The following DOCK3 variants were observed in gnomAD, a reference collection of about 807,000 sequenced individuals.
DOCK3 encodes the protein dedicator of cytokinesis 3.
DOCK3 carries 60 observed loss-of-function variants against 265.6 expected under a neutral mutation model. That is an observed-to-expected ratio of 0.23 (90% CI 0.18 to 0.28). The LOEUF (loss-of-function observed/expected upper bound fraction) is 0.28. Ranked by LOEUF, DOCK3 falls within the 10% of genes least tolerant of loss-of-function variation. DOCK3 has a pLI of 1.00. For missense variants in DOCK3, 1,981 were observed against 2,594.3 expected, an observed-to-expected ratio of 0.76 and a Z score of 5.14; for synonymous variants, 881 against 938.0, an observed-to-expected ratio of 0.94 and a Z score of 1.11.
At chr3:50,881,008 C>G (rs1249939721) in intron 3 of DOCK3, among the ~76,000 whole-genome samples, 3 of 152,284 alleles carry the variant, frequency 2.0e-5, no homozygotes, top group Non-Finnish European at 2.9e-5. Flanking sequence ...ATCACATAAA[C>G]AGAACCAAAG....
At chr3:50,838,101 C>T (rs2045616366) in intron 2 of DOCK3, among the ~76,000 whole-genome samples, 1 of 152,132 alleles carries the variant, frequency 6.6e-6, no homozygotes, top group Non-Finnish European at 1.5e-5. Context: ...CATTTCCATT[C>T]ATTTGGGTAA....
intron 51 of DOCK3, among the ~76,000 whole-genome samples, chr3:51,377,322 G>A (rs1004877739): frequency 2.6e-5 from 4 of 152,252 alleles, no homozygotes; most frequent in South Asian, 2.1e-4. Context: ...AGGCCAGAGC[G>A]TAGCTCCCTA....
intron 4 of DOCK3, among the ~76,000 whole-genome samples, chr3:50,906,927 A>G (rs2049546288): frequency 6.6e-6 from 1 of 152,018 alleles, no homozygotes; most frequent in Admixed American, 6.6e-5. Context: ...ACTGCTTTGA[A>G]TGTGTCCCAG....
intron 5 of DOCK3, among the ~76,000 whole-genome samples, chr3:51,005,934 A>G (rs1042508007): frequency 1.3e-5 from 2 of 152,174 alleles, no homozygotes; most frequent in Non-Finnish European, 2.9e-5. Context: ...AATGGTCTCT[A>G]GGGCCCCAGT....
At chr3:51,248,271 C>A (rs954357401) in intron 22 of DOCK3, among the ~76,000 whole-genome samples, 18 of 152,244 alleles carry the variant, frequency 1.2e-4, no homozygotes, top group African/African-American at 4.3e-4. Context: ...CAGAGTGAGA[C>A]TCCATCTTAA....
At chr3:51,158,606 A>G (rs2085976427) in intron 10 of DOCK3, among the ~76,000 whole-genome samples, 1 of 152,194 alleles carries the variant, frequency 6.6e-6, no homozygotes, top group East Asian at 1.9e-4. Flanking sequence ...TGGTTTGGAA[A>G]TTTTCTGATT....
chr3:51,074,083 T>A (rs1445640311), intron 6 of DOCK3, among the ~76,000 whole-genome samples: 1 of 152,356 alleles, frequency 6.6e-6, no homozygotes, highest in Non-Finnish European at 1.5e-5. Context: ...CATAGTCTAA[T>A]TGAAGAGAAA....
rs9990213 is a variant in DOCK3 at position 51,350,216 on chromosome 3, G to T, written c.4003-72G>T. 4.4e-6 allele frequency: 6 copies of T among 1,365,832 alleles called. No individual in the cohort carries two copies. In the African/African-American group the frequency reaches 7.4e-5, roughly 17 times the overall value. 84.6% of individuals were successfully genotyped at this position (1,365,832 alleles called of 1,614,324 possible). Reference sequence around the variant, plus strand: ...ATCCCTTTCCAGAAGACAGTGTCCAGTTGGGCCTGGGAGAACTTCCTTTGG... The same window carrying T: ...ATCCCTTTCCAGAAGACAGTGTCCATTTGGGCCTGGGAGAACTTCCTTTGG... On this transcript the variant is annotated intron_variant, in intron 39 of 52. Coordinates refer to ENST00000266037, the MANE Select transcript of DOCK3 (RefSeq NM_004947.5).
intron 4 of DOCK3, among the ~76,000 whole-genome samples, chr3:50,916,408 G>A (rs1428604832): frequency 1.3e-5 from 2 of 152,032 alleles, no homozygotes; most frequent in African/African-American, 4.8e-5. Flanking sequence ...GCCCAGTTGG[G>A]AGATGGGCCC....
intron 5 of DOCK3, among the ~76,000 whole-genome samples, chr3:50,967,697 G>A (rs2077072262): frequency 6.6e-6 from 1 of 152,174 alleles, no homozygotes; most frequent in South Asian, 2.1e-4. Flanking sequence ...AGAAGAATGA[G>A]TGCCCTGTGA....
chr3:51,271,313 A>T (rs1251452930), intron 24 of DOCK3, among the ~76,000 whole-genome samples: 1 of 152,146 alleles, frequency 6.6e-6, no homozygotes, highest in Non-Finnish European at 1.5e-5. Flanking sequence ...TAAACAGCAA[A>T]CTTTCTCATA....
chr3:50,940,748 A>G (rs759399806), intron 5 of DOCK3, among the ~76,000 whole-genome samples: 6 of 152,188 alleles, frequency 3.9e-5, no homozygotes, highest in Admixed American at 1.3e-4. Context: ...AAAGGGACCA[A>G]GATAGAGCCT....
At chr3:50,813,978 T>C (rs751988397) in intron 2 of DOCK3, among the ~76,000 whole-genome samples, 9 of 152,136 alleles carry the variant, frequency 5.9e-5, no homozygotes, top group Non-Finnish European at 1.0e-4. Flanking sequence ...GTGCAATGTA[T>C]CTGGGTAGGG....
At chr3:51,072,987 C>T (rs896457985) in intron 6 of DOCK3, among the ~76,000 whole-genome samples, 1 of 151,828 alleles carries the variant, frequency 6.6e-6, no homozygotes, top group African/African-American at 2.4e-5. Context: ...GGATTATAGG[C>T]ATGAGCTACC....
At chr3:50,980,752 C>G (rs948781633) in intron 5 of DOCK3, among the ~76,000 whole-genome samples, 7 of 151,994 alleles carry the variant, frequency 4.6e-5, no homozygotes, top group Non-Finnish European at 1.0e-4. Context: ...GTATATAGTT[C>G]ATAATTCTCT....
chr3:51,178,849 T>C (rs2087121182), intron 12 of DOCK3, among the ~76,000 whole-genome samples: 1 of 152,132 alleles, frequency 6.6e-6, no homozygotes, highest in Non-Finnish European at 1.5e-5. Context: ...CAGAGAGAAT[T>C]TGGATAAAGT....
chr3:50,733,195 A>G (rs1299074571), intron 1 of DOCK3, among the ~76,000 whole-genome samples: 1 of 152,164 alleles, frequency 6.6e-6, no homozygotes, highest in Non-Finnish European at 1.5e-5. Flanking sequence ...AATCATATGT[A>G]TTCTAGTGCT....
intron 3 of DOCK3, among the ~76,000 whole-genome samples, chr3:50,870,431 A>T (rs540845442): frequency 5.2e-4 from 79 of 151,704 alleles, no homozygotes; most frequent in Non-Finnish European, 9.3e-4. Flanking sequence ...AGCCACTTCT[A>T]CTCTTTTTTG....
Position 51,308,426 on chromosome 3 carries a change from G to A in DOCK3, c.2923-1806G>A, listed in dbSNP as rs1282209178. ...TTAGGGAGTGGTGATGACTCTTAAC[G>A]AGCATGCTGCCTTCAAGCATCTGTT... On this transcript the variant is annotated intron_variant, in intron 27 of 52. Coordinates refer to ENST00000266037, the MANE Select transcript of DOCK3 (RefSeq NM_004947.5). 5.9e-5 allele frequency among the ~76,000 whole-genome samples: 9 copies of A among 151,368 alleles called. No homozygotes were observed. In the East Asian group the frequency reaches 9.7e-4, roughly 16 times the overall value.
Sources: allele counts gnomAD v4.1 joint callset (sites outside exome capture counted in the v4.1 genomes callset), GRCh38; gene constraint gnomAD v4.1.1; transcripts MANE v1.5; gene names NCBI Gene and HGNC (gene_info 2026-07-23, HGNC 2026-07-21).